Variants in LRIT1 observed in about 807,000 individuals in gnomAD.
The protein encoded by LRIT1 is leucine rich repeat, Ig-like and transmembrane domains 1, also known as leucine-rich repeat, immunoglobulin-like domain and transmembrane domain-containing protein 1.
A neutral mutation model predicts 24.0 loss-of-function variants in LRIT1; 23 were observed. The observed-to-expected ratio is 0.96, with a 90% CI of 0.69 to 1.36. The LOEUF is 1.36. Among genes scored for constraint, LRIT1 ranks in the 40% most tolerant of loss-of-function variants. LRIT1 has a pLI of 0.00. For missense variants in LRIT1, 846 were observed against 806.3 expected, an observed-to-expected ratio of 1.05 and a Z score of -0.60; for synonymous variants, 361 against 340.5, an observed-to-expected ratio of 1.06 and a Z score of -0.66.
rs909445512 is a variant in LRIT1 at position 84,237,780 on chromosome 10, T to G, written c.123-94A>C. On this transcript the variant is annotated intron_variant, in intron 1 of 3. Coordinates refer to ENST00000372105, the MANE Select transcript of LRIT1 (RefSeq NM_015613.3). ...CCTTCGCGAGGCCTCCAGTTCTGCC[T>G]GTTATCACCGGACACCCACACCAGA... The G allele has an allele frequency of 6.8e-5, 66 of 974,200 alleles. 2 individuals carry two copies. Among genetic ancestry groups the G allele is most frequent in the Non-Finnish European group, 4.5e-6 (3 of 663,418 alleles). 60.3% of individuals were successfully genotyped at this position (974,200 alleles called of 1,614,324 possible). A position where few individuals can be genotyped will look rare whatever the true frequency, so the allele number is the denominator to read the frequency against.
At chr10:84,237,103 C>A in intron 2 of LRIT1, 117 bp downstream of exon 2, 1 of 832,646 alleles carries the variant, frequency 1.2e-6, no homozygotes. Flanking sequence ...TCTTGTGGAT[C>A]TCACTGTCTT....
chr10:84,237,491 C>T lies in LRIT1; in HGVS notation c.318G>A (p.Leu106=). 6.3e-7 allele frequency: 1 copy of T among 1,594,522 alleles called. No individual in the cohort carries two copies. Residue 106 remains leucine (L), a synonymous_variant, in exon 2 of 4, where the codon CTG becomes CTA. Transcript: ENST00000372105. The part of the protein sequence containing the change: ...SELNALMLRG[L]RRLRELRLPG... ...GCAGCCGCAGCTCCCGCAGGCGTCGCAGGCCCCGCAGCATGAGGGCGTTGA... is the reference window on the plus strand; with the variant it reads ...GCAGCCGCAGCTCCCGCAGGCGTCGTAGGCCCCGCAGCATGAGGGCGTTGA...
In LRIT1 at chr10:84,237,616, G is replaced by A. The variant is rs200124657; in HGVS notation, c.193C>T (p.Arg65Cys). Reference sequence around the variant, plus strand: ...CTGCGTATGGCCGTCCGCTCCAGGCGCAGTCTGGAGGTGTCCGGGGGGATG... The same window carrying A: ...CTGCGTATGGCCGTCCGCTCCAGGCACAGTCTGGAGGTGTCCGGGGGGATG... The part of the protein sequence containing the change: ...ASIPPDTSRL[R>C]LERTAIRRVP... The change falls in exon 2 of 4, where the codon CGC becomes TGC. Residue 65 changes from arginine (R) to cysteine (C), a missense_variant. Coordinates refer to ENST00000372105, the MANE Select transcript of LRIT1 (RefSeq NM_015613.3). 50 of 1,606,678 alleles carry A rather than the reference G, an allele frequency of 3.1e-5. No individual in the cohort carries two copies. The highest frequency in any genetic ancestry group is 1.0e-4 in the Admixed American group (6 of 59,982).
chr10:84,237,494 GC>G lies in LRIT1; in HGVS notation c.314del (p.Gly105AlafsTer63). 1 of 1,594,694 alleles carries G rather than the reference GC, an allele frequency of 6.3e-7. No homozygotes were observed. On this transcript the variant is annotated frameshift_variant, in exon 2 of 4. Coordinates refer to ENST00000372105, the MANE Select transcript of LRIT1 (RefSeq NM_015613.3). LOFTEE classifies it high-confidence loss of function. ...GCCGCAGCTCCCGCAGGCGTCGCAG[GC>G]CCCGCAGCATGAGGGCGTTGAGCTC... ...LSELNALMLR[G>X]LRRLRELRLP...
Position 84,237,420 on chromosome 10 carries a change from G to A in LRIT1, c.389C>T (p.Ala130Val), listed in dbSNP as rs1297904807. 1 of 1,546,044 alleles carries A rather than the reference G, an allele frequency of 6.5e-7. No homozygotes were observed. The highest frequency in any genetic ancestry group is 1.2e-5 in the South Asian group (1 of 84,410). Reference sequence around the variant, plus strand: ...CAGGTCCAGCAGCCGCAGCTTGGGGGCGTCCCTGAGCGCCGCCCAGGGGAA... The same window carrying A: ...CAGGTCCAGCAGCCGCAGCTTGGGGACGTCCCTGAGCGCCGCCCAGGGGAA... ...AAFPWAALRD[A>V]PKLRLLDLQA... is the part of the protein sequence containing the mutation. The change falls in exon 2 of 4, where the codon GCC (alanine) becomes GTC (valine). Residue 130 changes from alanine (A) to valine (V), a missense_variant. Coordinates refer to ENST00000372105, the MANE Select transcript of LRIT1 (RefSeq NM_015613.3).
chr10:84,239,028 C>T (rs1197008401), intron 1 of LRIT1, among the ~76,000 whole-genome samples: 2 of 152,184 alleles, frequency 1.3e-5, no homozygotes, highest in Admixed American at 6.5e-5. Flanking sequence ...TGGAGGTGCA[C>T]ACACATATCA....
chr10:84,237,702 A>T lies in LRIT1; in HGVS notation c.123-16T>A, dbSNP rs1842663799. On this transcript the variant is annotated splice_polypyrimidine_tract_variant and intron_variant, in intron 1 of 3. Coordinates refer to ENST00000372105, the MANE Select transcript of LRIT1 (RefSeq NM_015613.3). Reference sequence around the variant, plus strand: ...CACTACTGTCCTGCTGGCAGAAATGAGGGATAGTTGAGCAAGGATCCTGCC... The same window carrying T: ...CACTACTGTCCTGCTGGCAGAAATGTGGGATAGTTGAGCAAGGATCCTGCC... The T allele has an allele frequency of 1.3e-6, 2 of 1,564,228 alleles. No homozygotes were observed. Among genetic ancestry groups the T allele is most frequent in the African/African-American group, 1.4e-5 (1 of 73,352 alleles).
In LRIT1 at chr10:84,231,576, G is replaced by C. The variant is rs2132859545; in HGVS notation, c.*351C>G. ...CACAGGCCTGTGAGTGTGAAAATAA[G>C]TGTTCACTGCTATACATCACCAAGA... is the stretch of plus-strand genomic sequence containing the variant. On this transcript the variant is annotated 3_prime_UTR_variant, in exon 4 of 4. Transcript: ENST00000372105. The C allele has an allele frequency of 3.8e-6, 1 of 262,290 alleles. No homozygotes were observed. The highest frequency in any genetic ancestry group is 5.9e-5 in the South Asian group (1 of 16,934). The allele number at this position is 262,290 out of a possible 1,614,324, so 16.2% of individuals were successfully genotyped here. A position where few individuals can be genotyped will look rare whatever the true frequency, so the allele number is the denominator to read the frequency against.
chr10:84,237,577 C>T lies in LRIT1; in HGVS notation c.232G>A (p.Ala78Thr), dbSNP rs1842661865. The change falls in exon 2 of 4, where the codon GCC (alanine) becomes ACC (threonine). Residue 78 changes from alanine (A) to threonine (T), a missense_variant. Ala to Thr is a moderately conservative substitution (Grantham distance 58, BLOSUM62 0). Transcript: ENST00000372105. The stretch of plus-strand genomic sequence containing the variant: ...TCCAGGCGGCCCAGGGGCCTGAAGG[C>T]CTCGCCAGGAACCCTGCGTATGGCC... The part of the protein sequence containing the change: ...RTAIRRVPGE[A>T]FRPLGRLEQL... The T allele has an allele frequency of 6.2e-7, 1 of 1,606,460 alleles. No homozygotes were observed. Among genetic ancestry groups the T allele is most frequent in the Admixed American group, 1.7e-5 (1 of 59,982 alleles).
chr10:84,236,848 C>T (rs936347260), intron 2 of LRIT1, among the ~76,000 whole-genome samples: 2 of 152,176 alleles, frequency 1.3e-5, no homozygotes, highest in African/African-American at 4.8e-5. Context: ...ATTCTCAGGA[C>T]CAGGCAGGTG....
In LRIT1 at chr10:84,232,357, G is replaced by A. The variant is rs1218228331; in HGVS notation, c.1442C>T (p.Thr481Ile). The A allele has an allele frequency of 9.9e-6, 16 of 1,613,770 alleles. No individual in the cohort carries two copies. The highest frequency in any genetic ancestry group is 1.4e-5 in the Non-Finnish European group (16 of 1,179,932). ...MRRVIVQPGK[T>I]RVTITGLLPK... ...CAACAGCCCAGTGATGGTCACTCTG[G>A]TCTTCCCAGGCTGCACAATCACCCG... Residue 481 changes from threonine to isoleucine, a missense_variant, in exon 4 of 4, where the codon ACC becomes ATC. By Grantham distance (89) the Thr-to-Ile change is moderately conservative. Transcript: ENST00000372105.
chr10:84,237,353 G>T lies in LRIT1; in HGVS notation c.456C>A (p.Arg152=), dbSNP rs146643745. ...CGAGGAAGGTGAGGTTCTCCAGGAA[G>T]CGCGCGGCCTCAGCGGGCACAGCCG... ...RLSAVPAEAA[R]FLENLTFLDL... is the part of the protein sequence containing the mutation. The change falls in exon 2 of 4, where the codon CGC becomes CGA. Residue 152 remains arginine (R), a synonymous_variant. Coordinates refer to ENST00000372105, the MANE Select transcript of LRIT1 (RefSeq NM_015613.3). 242 of 1,550,348 alleles carry T rather than the reference G, an allele frequency of 1.6e-4. No homozygotes were observed. The highest frequency in any genetic ancestry group is 2.0e-4 in the Non-Finnish European group (233 of 1,146,974).
chr10:84,234,767 G>T (rs1842634594), intron 2 of LRIT1, among the ~76,000 whole-genome samples: 1 of 152,094 alleles, frequency 6.6e-6, no homozygotes, highest in African/African-American at 2.4e-5. Flanking sequence ...ACTGACCCCT[G>T]ATCCTTGATG....
Position 84,232,754 on chromosome 10 carries a change from G to T in LRIT1, c.1045C>A (p.Pro349Thr). Residue 349 changes from proline to threonine, a missense_variant, in exon 4 of 4, where the codon CCG becomes ACG. Physicochemically the swap from Pro to Thr is conservative, Grantham distance 38. Coordinates refer to ENST00000372105, the MANE Select transcript of LRIT1 (RefSeq NM_015613.3). ...CTCCCACTGTGTTCTGTGGAAGTCG[G>T]TGGCTCAGTGACAATCAAGGAGATA... ...TVISLIVTEPPTSTEHSGSPG... is the reference protein window; with the variant it reads ...TVISLIVTEPTTSTEHSGSPG... 1.2e-6 allele frequency: 2 copies of T among 1,614,068 alleles called. No individual in the cohort carries two copies. The highest frequency in any genetic ancestry group is 1.7e-6 in the Non-Finnish European group (2 of 1,180,020).
chr10:84,237,807 T>C, intron 1 of LRIT1, 121 bp from the exon 2 acceptor site: 2 of 744,994 alleles, frequency 2.7e-6, no homozygotes, highest in East Asian at 2.7e-5. Context: ...CACACCAGAG[T>C]CCAAGCCATG....
rs780295193 is a variant in LRIT1 at position 84,237,703 on chromosome 10, G to A, written c.123-17C>T. The A allele has an allele frequency of 6.4e-7, 1 of 1,560,470 alleles. No homozygotes were observed. Among genetic ancestry groups the A allele is most frequent in the Non-Finnish European group, 8.7e-7 (1 of 1,152,220 alleles). ...ACTACTGTCCTGCTGGCAGAAATGA[G>A]GGATAGTTGAGCAAGGATCCTGCCG... On this transcript the variant is annotated splice_polypyrimidine_tract_variant and intron_variant, in intron 1 of 3. Coordinates refer to ENST00000372105, the MANE Select transcript of LRIT1 (RefSeq NM_015613.3).
In LRIT1 at chr10:84,237,311, C is replaced by T; in HGVS notation, c.498G>A (p.Gln166=). 10 of 1,551,052 alleles carry T rather than the reference C, an allele frequency of 6.4e-6. No homozygotes were observed. The highest frequency in any genetic ancestry group is 8.7e-6 in the Non-Finnish European group (10 of 1,146,982). The change falls in exon 2 of 4, where the codon CAG becomes CAA. Residue 166 remains glutamine, a synonymous_variant. Coordinates refer to ENST00000372105, the MANE Select transcript of LRIT1 (RefSeq NM_015613.3). ...TGAGCTCCTGCGGGAGCCTCATCAG[C>T]TGGTTGCTGGAGAGGTCGAGGAAGG... ...NLTFLDLSSN[Q]LMRLPQELIV...
rs1212908887 is a variant in LRIT1, at chr10:84,237,450, G to C, written c.359C>G (p.Ala120Gly). The C allele has an allele frequency of 1.3e-6, 2 of 1,557,664 alleles. No homozygotes were observed. The highest frequency in any genetic ancestry group is 1.2e-5 in the South Asian group (1 of 85,840). The change falls in exon 2 of 4, where the codon GCC becomes GGC. Residue 120 changes from alanine (A) to glycine (G), a missense_variant. Physicochemically the swap from Ala to Gly is moderately conservative, Grantham distance 60 (BLOSUM62 0). Coordinates refer to ENST00000372105, the MANE Select transcript of LRIT1 (RefSeq NM_015613.3). ...CCTGAGCGCCGCCCAGGGGAAGGCG[G>C]CCAGGCGGTTCCCGGGCAGCCGCAG... Reference protein sequence around the residue: ...RELRLPGNRLAAFPWAALRDA... With the variant: ...RELRLPGNRLGAFPWAALRDA...
chr10:84,241,180 C>A, intron 1 of LRIT1, 138 bp downstream of exon 1: 1 of 1,287,308 alleles, frequency 7.8e-7, no homozygotes, highest in Non-Finnish European at 1.1e-6. Context: ...CACAGTCCAC[C>A]CCATAGGATC....
Sources: gnomAD v4.1 joint callset for allele counts (sites outside exome capture counted in the v4.1 genomes callset) on GRCh38, gnomAD v4.1.1 for gene constraint, MANE v1.5 for transcripts, NCBI Gene and HGNC (gene_info 2026-07-23, HGNC 2026-07-21) for gene names.